Variants in EPC2 observed in about 807,000 individuals in gnomAD.
EPC2 encodes the protein enhancer of polycomb 2.
A neutral mutation model predicts 92.1 loss-of-function variants in EPC2; 14 were observed. That is an observed-to-expected ratio of 0.15 (90% CI 0.10 to 0.24). EPC2 has a LOEUF of 0.24. EPC2 is among the 10% of genes least tolerant of loss of function. The pLI is 1.00. For missense variants in EPC2, 755 were observed against 971.5 expected, an observed-to-expected ratio of 0.78 and a Z score of 2.96; for synonymous variants, 340 against 334.7, an observed-to-expected ratio of 1.02 and a Z score of -0.17.
At chr2:148,706,100 T>G (rs963263108) in intron 2 of EPC2, among the ~76,000 whole-genome samples, 1 of 152,020 alleles carries the variant, frequency 6.6e-6, no homozygotes, top group Admixed American at 6.6e-5. Context: ...GCTAAAAACC[T>G]TGAAAAATGA....
intron 10 of EPC2, among the ~76,000 whole-genome samples, chr2:148,774,615 A>ATATATATTAT (rs1281335584): frequency 8.8e-6 from 1 of 113,254 alleles, no homozygotes; most frequent in Non-Finnish European, 1.9e-5. Flanking sequence ...TCAAAAAAAA[A>ATATATATTAT]AATATATTTT....
At chr2:148,721,907 T>TTTC in intron 2 of EPC2, among the ~76,000 whole-genome samples, 1 of 145,966 alleles carries the variant, frequency 6.9e-6, no homozygotes, top group East Asian at 2.0e-4. Flanking sequence ...TTTTTTTTTT[T>TTTC]CAGAATTCTC....
chr2:148,658,670 A>G (rs1051241676), intron 1 of EPC2, among the ~76,000 whole-genome samples: 1 of 149,928 alleles, frequency 6.7e-6, no homozygotes, highest in Admixed American at 6.8e-5. Flanking sequence ...GTTAAAAATA[A>G]TTTTGGTCAT....
intron 3 of EPC2, among the ~76,000 whole-genome samples, chr2:148,752,830 G>A (rs546361103): frequency 1.3e-5 from 2 of 152,266 alleles, no homozygotes; most frequent in South Asian, 4.1e-4. Flanking sequence ...TGAATTTTGA[G>A]TTCTTCAATA....
rs1469604896 is a variant in EPC2, at chr2:148,784,862, G to A, written c.2212G>A (p.Val738Ile). The change falls in exon 13 of 14, where the codon GTT becomes ATT. Residue 738 changes from valine to isoleucine, a missense_variant. Around this residue, in one of 4 missense-constraint regions of EPC2, gnomAD observed 207 missense variants for 260.5 expected, o/e 0.79. Coordinates refer to ENST00000258484, the MANE Select transcript of EPC2 (RefSeq NM_015630.4). The stretch of plus-strand genomic sequence containing the variant: ...TGCAGTGCACCTCAATAATGTCAGT[G>A]TTGTTTCTCCAGTCAATGTGCATAT... ...TNAVHLNNVS[V>I]VSPVNVHINT... 1 of 1,613,438 alleles carries A rather than the reference G, an allele frequency of 6.2e-7. No individual in the cohort carries two copies.
rs1410626325 is a variant in EPC2 at position 148,658,605 on chromosome 2, G to GTATATA, written c.153+13436_153+13437insATATAT. On this transcript the variant is annotated intron_variant, in intron 1 of 13. Coordinates refer to ENST00000258484, the MANE Select transcript of EPC2 (RefSeq NM_015630.4). Reference sequence around the variant, plus strand: ...TAATGAAGATTAGCTGTGTGTGTGTGTGTATATATATATATATATATATAT... The same window carrying GTATATA: ...TAATGAAGATTAGCTGTGTGTGTGTGTATATATGTATATATATATATATATATATAT... 2.4e-4 allele frequency among the ~76,000 whole-genome samples: 5 copies of GTATATA among 20,700 alleles called. No individual in the cohort carries two copies. The East Asian group carries it at 4.6e-3, about 19-fold the overall frequency. 13.6% of individuals were successfully genotyped at this position (20,700 alleles called of 152,430 possible).
At chr2:148,762,885 G>A in intron 6 of EPC2, 83 bp downstream of exon 6, 2 of 1,430,216 alleles carry the variant, frequency 1.4e-6, no homozygotes, top group South Asian at 3.1e-5. Context: ...TCTTAATATG[G>A]TTTGAGTAAA....
At chr2:148,665,986 G>A (rs1056665153) in intron 1 of EPC2, among the ~76,000 whole-genome samples, 1 of 152,146 alleles carries the variant, frequency 6.6e-6, no homozygotes, top group African/African-American at 2.4e-5. Flanking sequence ...AGCTAAAGCT[G>A]ATGTGTTTCT....
At chr2:148,764,934 G>A (rs1174262749) in intron 6 of EPC2, 21 bp from the exon 7 acceptor site, 6 of 1,412,010 alleles carry the variant, frequency 4.2e-6, no homozygotes, top group Non-Finnish European at 5.6e-6. Flanking sequence ...CCTTTTGGGG[G>A]AAAAATCGTC....
chr2:148,672,970 T>C (rs1681187425), intron 1 of EPC2, among the ~76,000 whole-genome samples: 1 of 152,210 alleles, frequency 6.6e-6, no homozygotes, highest in Non-Finnish European at 1.5e-5. Context: ...TATATCATTC[T>C]GTTCTGACAG....
chr2:148,644,825 C>T lies in EPC2; in HGVS notation c.-193C>T, dbSNP rs536796580. On this transcript the variant is annotated 5_prime_UTR_variant, in exon 1 of 14. Coordinates refer to ENST00000258484, the MANE Select transcript of EPC2 (RefSeq NM_015630.4). The stretch of plus-strand genomic sequence containing the variant: ...GAGCGGCGGATCTAGTGTGTGGAGG[C>T]GGCCGCGGGCGCGGGGGGCTGTTTT... 0.02 allele frequency among the ~76,000 whole-genome samples: 22 copies of T among 1,108 alleles called. No homozygotes were observed. Among genetic ancestry groups the T allele is most frequent in the Admixed American group, 0.12 (14 of 112 alleles). 0.7% of individuals were successfully genotyped at this position (1,108 alleles called of 152,430 possible).
intron 2 of EPC2, among the ~76,000 whole-genome samples, chr2:148,693,702 T>C (rs1010066223): frequency 1.3e-5 from 2 of 152,216 alleles, no homozygotes; most frequent in African/African-American, 4.8e-5. Flanking sequence ...CTTTAACCCA[T>C]CATGCTTCAA....
chr2:148,705,262 T>C (rs904821627), intron 2 of EPC2, among the ~76,000 whole-genome samples: 2 of 152,000 alleles, frequency 1.3e-5, no homozygotes, highest in Non-Finnish European at 2.9e-5. Context: ...TAAGATGTTA[T>C]GTTTTATGTA....
Position 148,746,244 on chromosome 2 carries a change from T to C in EPC2, c.459+2477T>C, listed in dbSNP as rs1050314180. On this transcript the variant is annotated intron_variant, in intron 3 of 13. Coordinates refer to ENST00000258484, the MANE Select transcript of EPC2 (RefSeq NM_015630.4). The stretch of plus-strand genomic sequence containing the variant: ...TTGACCTCTTTCTCAAACTCCAGGA[T>C]TTTTTTCCCCCTTTTGGTTTTGCCT... Among the ~76,000 whole-genome samples, 4 of 151,950 alleles carry C rather than the reference T, an allele frequency of 2.6e-5. No homozygotes were observed. In the East Asian group the frequency reaches 7.7e-4, roughly 29 times the overall value.
At chr2:148,678,257 C>T (rs982883275) in intron 1 of EPC2, among the ~76,000 whole-genome samples, 34 of 151,928 alleles carry the variant, frequency 2.2e-4, no homozygotes, top group Non-Finnish European at 7.4e-5. Flanking sequence ...TACAGAGTGC[C>T]GATTGGTGTA....
At chr2:148,692,577 C>T (rs1681666778) in intron 2 of EPC2, 1 of 152,058 alleles carries the variant, frequency 6.6e-6, no homozygotes, top group South Asian at 2.1e-4. Context: ...TTTTTTTCTC[C>T]TGTGTTCTTT....
chr2:148,644,939 G>T lies in EPC2; in HGVS notation c.-79G>T. ...GCGCTGCACTGAGGAAGGAGGTGGA[G>T]GAGGCGGCGGGAGTCCTCCCCCCCT... On this transcript the variant is annotated 5_prime_UTR_variant, in exon 1 of 14. In the 5' UTR this introduces an upstream ATG that the reference lacks. Coordinates refer to ENST00000258484, the MANE Select transcript of EPC2 (RefSeq NM_015630.4). 1 of 1,234,720 alleles carries T rather than the reference G, an allele frequency of 8.1e-7. No individual in the cohort carries two copies. The highest frequency in any genetic ancestry group is 1.1e-6 in the Non-Finnish European group (1 of 870,856). 76.5% of individuals were successfully genotyped at this position (1,234,720 alleles called of 1,614,324 possible). A position where few individuals can be genotyped will look rare whatever the true frequency, so the allele number is the denominator to read the frequency against.
rs142022698 is a variant in EPC2, at chr2:148,779,796, A to G, written c.1721-1848A>G. Among the ~76,000 whole-genome samples the G allele has an allele frequency of 2.2e-3, 338 of 152,306 alleles. 1 individual carries two copies. Among genetic ancestry groups the G allele is most frequent in the Non-Finnish European group, 3.6e-3 (244 of 68,020 alleles). On this transcript the variant is annotated intron_variant, in intron 10 of 13. Coordinates refer to ENST00000258484, the MANE Select transcript of EPC2 (RefSeq NM_015630.4). ...GCCTCTCACCTTTTCACCAGAACAT[A>G]AAGCTCAACTCTGGACACACTTGAC...
intron 2 of EPC2, among the ~76,000 whole-genome samples, chr2:148,719,741 T>G (rs994589585): frequency 9.2e-5 from 14 of 152,348 alleles, no homozygotes; most frequent in African/African-American, 3.4e-4. Context: ...AGCAACAGTT[T>G]GGCCTCTTTT....
Sources: allele counts gnomAD v4.1 joint callset (sites outside exome capture counted in the v4.1 genomes callset), GRCh38; gene constraint gnomAD v4.1.1; regional missense constraint gnomAD v4.1.1; transcripts MANE v1.5; gene names NCBI Gene and HGNC (gene_info 2026-07-23, HGNC 2026-07-21).